HMBOX1: variants seen among roughly 807,000 people sequenced by gnomAD.
The protein encoded by HMBOX1 is homeobox-containing protein 1.
Under a neutral mutation model 54.5 loss-of-function variants are expected in HMBOX1, and 14 were observed. That is an observed-to-expected ratio of 0.26 (90% CI 0.17 to 0.40). The LOEUF is 0.40. Ranked by LOEUF, HMBOX1 falls within the 10% of genes least tolerant of loss-of-function variation. HMBOX1 has a pLI of 1.00. For missense variants in HMBOX1, 332 were observed against 514.4 expected (o/e 0.65, Z 3.43); for synonymous variants, 160 against 181.0 (o/e 0.88, Z 0.93).
In HMBOX1 at chr8:28,967,669, A is replaced by G. The variant is rs953861082; in HGVS notation, c.24-2374A>G. On this transcript the variant is annotated intron_variant, in intron 2 of 9. Coordinates refer to ENST00000287701, the MANE Select transcript of HMBOX1 (RefSeq NM_001135726.3). ...AATACTTTGATAACATGAAGACTGA[A>G]AATAGCAACAAACAGGTCTACTTCA... 2.0e-5 allele frequency among the ~76,000 whole-genome samples: 3 copies of G among 152,338 alleles called. No individual in the cohort carries two copies. In the South Asian group the frequency reaches 6.2e-4, roughly 32 times the overall value.
Position 29,052,001 on chromosome 8 carries a change from T to G in HMBOX1, c.*846T>G. ...GTCCAGTTTTCAGAACCACTGTACA[T>G]TCCACGGCACAGTTAGCAGTGCCTG... On this transcript the variant is annotated 3_prime_UTR_variant, in exon 10 of 10. Coordinates refer to ENST00000287701, the MANE Select transcript of HMBOX1 (RefSeq NM_001135726.3). 1 of 163,744 alleles carries G rather than the reference T, an allele frequency of 6.1e-6. No individual in the cohort carries two copies. Among genetic ancestry groups the G allele is most frequent in the Non-Finnish European group, 1.3e-5 (1 of 75,026 alleles). 10.1% of individuals were successfully genotyped at this position (163,744 alleles called of 1,614,324 possible).
intron 1 of HMBOX1, among the ~76,000 whole-genome samples, chr8:28,912,642 T>C (rs1439543797): frequency 1.3e-5 from 2 of 152,220 alleles, no homozygotes; most frequent in Non-Finnish European, 2.9e-5. Flanking sequence ...TTCTGCGGCT[T>C]CTTTGATACT....
chr8:28,985,455 T>TC (rs1830023509), intron 4 of HMBOX1, among the ~76,000 whole-genome samples: 1 of 152,206 alleles, frequency 6.6e-6, no homozygotes, highest in Admixed American at 6.5e-5. Flanking sequence ...GACATAAACA[T>TC]TCAACCATAG....
At chr8:29,012,756 AC>A (rs750379039) in intron 5 of HMBOX1, among the ~76,000 whole-genome samples, 147 of 152,252 alleles carry the variant, frequency 9.7e-4, no homozygotes, top group Non-Finnish European at 1.7e-3. Flanking sequence ...GGGGAGACAG[AC>A]CAAAAGAAAT....
intron 6 of HMBOX1, among the ~76,000 whole-genome samples, chr8:29,022,081 A>G (rs938352199): frequency 2.0e-5 from 3 of 152,172 alleles, no homozygotes; most frequent in African/African-American, 7.2e-5. Flanking sequence ...TATCAAGGAA[A>G]ATTACCTATG....
intron 6 of HMBOX1, among the ~76,000 whole-genome samples, chr8:29,030,179 GT>G (rs372951537): frequency 0.032 from 4,360 of 136,936 alleles, 148 homozygotes; most frequent in African/African-American, 0.091. Context: ...TTAGGTTCCA[GT>G]TTTTTTTTTT....
chr8:28,901,884 A>G (rs762114650), intron 1 of HMBOX1, among the ~76,000 whole-genome samples: 11 of 152,046 alleles, frequency 7.2e-5, no homozygotes, highest in Non-Finnish European at 1.3e-4. Flanking sequence ...TACCCACTTA[A>G]TGTATTTGTA....
At chr8:28,938,906 C>T (rs1344703716) in intron 1 of HMBOX1, among the ~76,000 whole-genome samples, 1 of 152,150 alleles carries the variant, frequency 6.6e-6, no homozygotes, top group Non-Finnish European at 1.5e-5. Context: ...CCTGCAATCC[C>T]AGCATTTTGG....
At chr8:28,936,647 T>C (rs1820448939) in intron 1 of HMBOX1, among the ~76,000 whole-genome samples, 1 of 152,064 alleles carries the variant, frequency 6.6e-6, no homozygotes, top group Admixed American at 6.5e-5. Flanking sequence ...ACTCTATGGC[T>C]TCACAAATCC....
At chr8:28,935,094 C>T (rs774952552) in intron 1 of HMBOX1, among the ~76,000 whole-genome samples, 1 of 152,058 alleles carries the variant, frequency 6.6e-6, no homozygotes, top group Non-Finnish European at 1.5e-5. Context: ...TACTGAAAAA[C>T]ATACAACACT....
chr8:28,927,458 A>C (rs1818728511), intron 1 of HMBOX1, among the ~76,000 whole-genome samples: 1 of 152,252 alleles, frequency 6.6e-6, no homozygotes, highest in Middle Eastern at 3.4e-3. Context: ...TGAGGGTATC[A>C]GGCTACTTCC....
At chr8:28,976,323 A>AT (rs1828366770) in intron 3 of HMBOX1, among the ~76,000 whole-genome samples, 1 of 152,270 alleles carries the variant, frequency 6.6e-6, no homozygotes, top group Non-Finnish European at 1.5e-5. Flanking sequence ...ACAGACATAT[A>AT]TATACAAACA....
intron 1 of HMBOX1, among the ~76,000 whole-genome samples, chr8:28,920,889 AAAGAAT>A (rs1284649647): frequency 3.9e-5 from 6 of 152,258 alleles, no homozygotes; most frequent in African/African-American, 1.4e-4. Flanking sequence ...TATCTGACTT[AAAGAAT>A]AACATACTCT....
chr8:28,891,539 C>CG (rs371286060), intron 1 of HMBOX1: 5 of 152,006 alleles, frequency 3.3e-5, no homozygotes, highest in African/African-American at 7.3e-5. Flanking sequence ...GCTGAAGATT[C>CG]GGGGGGCCTG....
intron 3 of HMBOX1, among the ~76,000 whole-genome samples, chr8:28,976,688 T>C (rs1828434865): frequency 6.6e-6 from 1 of 151,856 alleles, no homozygotes; most frequent in Non-Finnish European, 1.5e-5. Flanking sequence ...AGCTTTTTAT[T>C]TCTTTTCTTT....
intron 4 of HMBOX1, among the ~76,000 whole-genome samples, chr8:29,001,409 G>A (rs1832619332): frequency 6.6e-6 from 1 of 152,168 alleles, no homozygotes; most frequent in East Asian, 1.9e-4. Context: ...AATTAGCCAG[G>A]CGTGGTGGTG....
At chr8:28,934,443 A>G (rs931829140) in intron 1 of HMBOX1, among the ~76,000 whole-genome samples, 9 of 152,214 alleles carry the variant, frequency 5.9e-5, no homozygotes, top group Non-Finnish European at 7.3e-5. Flanking sequence ...GCTATTCATA[A>G]TATACTATAG....
At chr8:29,011,672 G>C (rs1245351067) in intron 5 of HMBOX1, among the ~76,000 whole-genome samples, 1 of 152,142 alleles carries the variant, frequency 6.6e-6, no homozygotes, top group Non-Finnish European at 1.5e-5. Context: ...AACTACAGGA[G>C]TCCAGCTTTA....
chr8:28,983,425 T>C (rs79273262), intron 4 of HMBOX1, among the ~76,000 whole-genome samples: 345 of 152,338 alleles, frequency 2.3e-3, no homozygotes, highest in African/African-American at 8.1e-3. Context: ...CTCAGCCTTA[T>C]GAATTTCTGT....
Sources: gnomAD v4.1 joint callset for allele counts (sites outside exome capture counted in the v4.1 genomes callset) on GRCh38, gnomAD v4.1.1 for gene constraint, MANE v1.5 for transcripts, NCBI Gene and HGNC (gene_info 2026-07-23, HGNC 2026-07-21) for gene names.